Variants in ADAMTS3 observed in about 807,000 individuals in gnomAD.
ADAMTS3 encodes ADAM metallopeptidase with thrombospondin type 1 motif 3, also known as A disintegrin and metalloproteinase with thrombospondin motifs 3.
ADAMTS3 carries 73 observed loss-of-function variants against 129.0 expected under a neutral mutation model. The ratio of observed to expected loss-of-function variants is 0.57; its 90% CI spans 0.47 to 0.69. The LOEUF is 0.69. Ranked by LOEUF, ADAMTS3 falls within the 30% of genes least tolerant of loss-of-function variation. The pLI is 0.00. For missense variants in ADAMTS3, 1,457 were observed against 1,514.5 expected, an observed-to-expected ratio of 0.96 and a Z score of 0.63; for synonymous variants, 477 against 510.8, an observed-to-expected ratio of 0.93 and a Z score of 0.89.
At chr4:72,519,654 T>C (rs1720604248) in intron 3 of ADAMTS3, among the ~76,000 whole-genome samples, 1 of 152,216 alleles carries the variant, frequency 6.6e-6, no homozygotes. Flanking sequence ...TCTGCATTCT[T>C]CACGTAGTTC....
intron 3 of ADAMTS3, among the ~76,000 whole-genome samples, chr4:72,433,599 T>C (rs557125666): frequency 2.0e-5 from 3 of 152,082 alleles, no homozygotes; most frequent in Middle Eastern, 3.4e-3. Context: ...CTTTGCTGTA[T>C]GAACATGAAA....
intron 5 of ADAMTS3, among the ~76,000 whole-genome samples, chr4:72,334,910 G>T (rs999738346): frequency 6.6e-6 from 1 of 152,054 alleles, no homozygotes; most frequent in Non-Finnish European, 1.5e-5. Flanking sequence ...CTACAAAATA[G>T]AAAGAGGTTA....
rs905608942 is a variant in ADAMTS3, at chr4:72,323,136, C to T, written c.862-39G>A. ...AAGATAATTGCTAAAAGAAAGGAAA[C>T]ACCGAGGATTTCATGAGATGTACAT... On this transcript the variant is annotated intron_variant, in intron 5 of 21. Coordinates refer to ENST00000286657, the MANE Select transcript of ADAMTS3 (RefSeq NM_014243.3). 4.7e-6 allele frequency: 7 copies of T among 1,505,078 alleles called. No individual in the cohort carries two copies. In the Admixed American group the frequency reaches 1.2e-4, roughly 25 times the overall value. The allele number at this position is 1,505,078 out of a possible 1,614,324, so 93.2% of individuals were successfully genotyped here. A position where few individuals can be genotyped will look rare whatever the true frequency, so the allele number is the denominator to read the frequency against.
At chr4:72,370,568 C>T (rs551416844) in intron 4 of ADAMTS3, among the ~76,000 whole-genome samples, 6 of 152,020 alleles carry the variant, frequency 3.9e-5, no homozygotes, top group Middle Eastern at 3.4e-3. Flanking sequence ...GCCAACATGG[C>T]GAAATCCCAT....
intron 4 of ADAMTS3, among the ~76,000 whole-genome samples, chr4:72,354,829 T>A (rs1237241858): frequency 6.6e-6 from 1 of 151,966 alleles, no homozygotes; most frequent in Non-Finnish European, 1.5e-5. Flanking sequence ...TACACAACAA[T>A]CTTATATTTG....
intron 4 of ADAMTS3, among the ~76,000 whole-genome samples, chr4:72,341,938 A>G (rs1468033172): frequency 6.6e-6 from 1 of 152,192 alleles, no homozygotes; most frequent in Admixed American, 6.5e-5. Context: ...AAAGAAAGAC[A>G]GTAGGATAGC....
At position 72,283,412 on chromosome 4, in the gene ADAMTS3, T is replaced by C. The variant is rs1718409655; in HGVS notation, c.3342A>G (p.Ala1114=). 1 of 1,613,990 alleles carries C rather than the reference T, an allele frequency of 6.2e-7. No homozygotes were observed. The highest frequency in any genetic ancestry group is 1.3e-5 in the African/African-American group (1 of 75,030). ...TACTGTTTGGCCTGAAAGCAGCATATGCATTTGGACCTCCCACTGAAGAGA... is the reference window on the plus strand; with the variant it reads ...TACTGTTTGGCCTGAAAGCAGCATACGCATTTGGACCTCCCACTGAAGAGA... ...SSISSVGGPN[A]YAAFRPNSKP... The change falls in exon 22 of 22, where the codon GCA becomes GCG. Residue 1114 remains alanine, a synonymous_variant. Transcript: ENST00000286657.
intron 19 of ADAMTS3, among the ~76,000 whole-genome samples, chr4:72,293,113 T>C (rs1335275266): frequency 6.6e-6 from 1 of 152,152 alleles, no homozygotes; most frequent in African/African-American, 2.4e-5. Flanking sequence ...GGAAACTAAC[T>C]CAGCAGATCT....
intron 5 of ADAMTS3, among the ~76,000 whole-genome samples, chr4:72,333,962 T>C (rs1338854416): frequency 6.7e-6 from 1 of 149,666 alleles, no homozygotes; most frequent in East Asian, 2.0e-4. Context: ...TACACCATTG[T>C]CCTGCCTCAG....
At chr4:72,325,500 C>T (rs1719676004) in intron 5 of ADAMTS3, among the ~76,000 whole-genome samples, 1 of 152,158 alleles carries the variant, frequency 6.6e-6, no homozygotes, top group Non-Finnish European at 1.5e-5. Flanking sequence ...TCTTGTAAGG[C>T]AGCTGTTTCA....
chr4:72,493,154 T>A (rs928944449), intron 3 of ADAMTS3, among the ~76,000 whole-genome samples: 1 of 151,922 alleles, frequency 6.6e-6, no homozygotes, highest in African/African-American at 2.4e-5. Context: ...AAATTTGTTT[T>A]TTGTCCATTC....
chr4:72,477,674 C>G (rs1719280252), intron 3 of ADAMTS3, among the ~76,000 whole-genome samples: 1 of 151,766 alleles, frequency 6.6e-6, no homozygotes, highest in Admixed American at 6.6e-5. Flanking sequence ...TAGCAGAAGG[C>G]AAGAAATAAC....
At chr4:72,295,631 T>G in intron 19 of ADAMTS3, 23 bp downstream of exon 19, 1 of 1,593,856 alleles carries the variant, frequency 6.3e-7, no homozygotes, top group East Asian at 2.2e-5. Context: ...CCTCCAGATA[T>G]GATAGTTAAA....
intron 3 of ADAMTS3, among the ~76,000 whole-genome samples, chr4:72,444,404 C>T (rs1390317841): frequency 2.0e-5 from 3 of 151,648 alleles, no homozygotes; most frequent in African/African-American, 7.3e-5. Context: ...CATTAAACAC[C>T]TCAGGATACT....
In ADAMTS3 at chr4:72,355,833, G is replaced by C. The variant is rs565447478; in HGVS notation, c.662-16140C>G. On this transcript the variant is annotated intron_variant, in intron 4 of 21. Coordinates refer to ENST00000286657, the MANE Select transcript of ADAMTS3 (RefSeq NM_014243.3). ...ACAAATGACTAAAGAGAAACAACAA[G>C]GCTGAAAGCTAGGTATGCTCTCCAT... Among the ~76,000 whole-genome samples the C allele has an allele frequency of 2.0e-5, 3 of 151,936 alleles. No individual in the cohort carries two copies. In the East Asian group the frequency reaches 5.8e-4, roughly 29 times the overall value.
rs547479708 is a variant in ADAMTS3, at chr4:72,445,988, G to A, written c.505-31017C>T. On this transcript the variant is annotated intron_variant, in intron 3 of 21. Transcript: ENST00000286657. ...ATGCTTTGAGCTGCAAGTAACAGAA[G>A]AGCAAACTAAAAGAAATGGAAACTG... Among the ~76,000 whole-genome samples, 5 of 151,774 alleles carry A rather than the reference G, an allele frequency of 3.3e-5. No homozygotes were observed. In the South Asian group the frequency reaches 1.0e-3, roughly 31 times the overall value.
intron 3 of ADAMTS3, among the ~76,000 whole-genome samples, chr4:72,512,982 C>T (rs1371171878): frequency 1.3e-5 from 2 of 152,128 alleles, no homozygotes; most frequent in Non-Finnish European, 2.9e-5. Flanking sequence ...AATACATCTT[C>T]AAGACATCAT....
intron 2 of ADAMTS3, among the ~76,000 whole-genome samples, chr4:72,561,856 C>T (rs1721912520): frequency 6.6e-6 from 1 of 152,204 alleles, no homozygotes; most frequent in African/African-American, 2.4e-5. Context: ...TTGTGGCAAT[C>T]ATTTTCATAA....
chr4:72,298,148 T>C, intron 18 of ADAMTS3, 129 bp downstream of exon 18: 2 of 665,920 alleles, frequency 3.0e-6, no homozygotes, highest in Admixed American at 5.7e-5. Flanking sequence ...TGTTTTGTAT[T>C]GATGTTTTGA....
Sources: gnomAD v4.1 joint callset for allele counts (sites outside exome capture counted in the v4.1 genomes callset) on GRCh38, gnomAD v4.1.1 for gene constraint, MANE v1.5 for transcripts, NCBI Gene and HGNC (gene_info 2026-07-23, HGNC 2026-07-21) for gene names.